PFKP: variants seen among roughly 807,000 people sequenced by gnomAD.
The protein encoded by PFKP is ATP-dependent 6-phosphofructokinase, platelet type.
A neutral mutation model predicts 94.3 loss-of-function variants in PFKP; 101 were observed. That is an observed-to-expected ratio of 1.07 (90% CI 0.91 to 1.26). The LOEUF is 1.26. PFKP is among the 50% of genes most tolerant of loss of function. The probability of loss-of-function intolerance (pLI) is 0.00; values close to 1 mark genes in which losing one functional copy is unlikely to be tolerated. For missense variants in PFKP, 1,145 were observed against 1,103.3 expected (o/e 1.04, Z -0.53); for synonymous variants, 573 against 432.6 (o/e 1.32, Z -4.03).
intron 16 of PFKP, among the ~76,000 whole-genome samples, chr10:3,125,724 G>C (rs1487310222): frequency 6.6e-6 from 1 of 152,250 alleles, no homozygotes; most frequent in African/African-American, 2.4e-5. Context: ...TCCTGGGCAG[G>C]CGGTTTCACC....
intron 1 of PFKP, among the ~76,000 whole-genome samples, chr10:3,071,854 G>A (rs1006921643): frequency 1.3e-5 from 2 of 152,216 alleles, no homozygotes; most frequent in African/African-American, 4.8e-5. Context: ...TTGTTATGTG[G>A]CAGGGCCTCA....
At chr10:3,104,498 G>A (rs1281932553) in intron 5 of PFKP, among the ~76,000 whole-genome samples, 1 of 152,248 alleles carries the variant, frequency 6.6e-6, no homozygotes, top group East Asian at 1.9e-4. Flanking sequence ...TCGAGACTGG[G>A]AGAGTGCCCG....
At chr10:3,131,019 G>A (rs1252786905) in intron 17 of PFKP, among the ~76,000 whole-genome samples, 1 of 152,056 alleles carries the variant, frequency 6.6e-6, no homozygotes, top group East Asian at 1.9e-4. Context: ...TGTCAACAGT[G>A]GGTCCCATAA....
intron 1 of PFKP, 92 bp downstream of exon 1, chr10:3,067,799 G>T (rs1831843053): frequency 1.7e-6 from 1 of 575,102 alleles, no homozygotes; most frequent in African/African-American, 1.9e-5. Flanking sequence ...GAGAGAAGAG[G>T]GGGGAAGCGA....
intron 4 of PFKP, among the ~76,000 whole-genome samples, chr10:3,102,216 A>G (rs1303992113): frequency 2.5e-5 from 3 of 118,272 alleles, no homozygotes; most frequent in Admixed American, 1.1e-4. Context: ...CCGCCACTGC[A>G]CTCCAGCCTG....
chr10:3,079,591 C>T (rs1263087704), intron 1 of PFKP, among the ~76,000 whole-genome samples: 6 of 146,542 alleles, frequency 4.1e-5, no homozygotes, highest in Non-Finnish European at 8.9e-5. Flanking sequence ...CTTAACATTT[C>T]CTAAAATCCC....
rs1326999590 is a variant in PFKP at position 3,135,768 on chromosome 10, G to C, written c.2155G>C (p.Val719Leu). The C allele has an allele frequency of 6.2e-6, 10 of 1,613,082 alleles. 1 individual carries two copies. The Admixed American group carries it at 1.7e-4, about 27-fold the overall frequency. Residue 719 changes from valine to leucine, a missense_variant, in exon 21 of 22, where the codon GTG becomes CTG. By Grantham distance (32) the Val-to-Leu change is conservative. Around this residue, in one of 3 missense-constraint regions of PFKP, gnomAD observed 1,119 missense variants for 1,062.8 expected, o/e 1.05. Transcript: ENST00000381125. Reference protein sequence around the residue: ...KKFTTDDSICVLGISKRNVIF... With the variant: ...KKFTTDDSICLLGISKRNVIF... ...ATTTACCACCGATGATTCCATTTGT[G>C]TGCTGGGAATAAGCAAAAGAAACGT...
At chr10:3,114,296 C>T (rs540534571) in intron 13 of PFKP, among the ~76,000 whole-genome samples, 62 of 152,190 alleles carry the variant, frequency 4.1e-4, no homozygotes, top group African/African-American at 1.2e-3. Context: ...ATTACAGGCA[C>T]GCGCCACCAC....
intron 7 of PFKP, among the ~76,000 whole-genome samples, chr10:3,106,264 G>T (rs1835547726): frequency 9.6e-6 from 1 of 104,542 alleles, no homozygotes; most frequent in Non-Finnish European, 2.0e-5. Context: ...TTCCCCATGG[G>T]AGGCAGAAAG....
In PFKP at chr10:3,105,510, G is replaced by C. The variant is rs779184904; in HGVS notation, c.774+9G>C. Reference sequence around the variant, plus strand: ...GTGTCAAACTCTCGGAGGTAATGCGGGTCCCGTGGCCGTTGATAGCGGGCG... The same window carrying C: ...GTGTCAAACTCTCGGAGGTAATGCGCGTCCCGTGGCCGTTGATAGCGGGCG... On this transcript the variant is annotated intron_variant, in intron 7 of 21. Transcript: ENST00000381125. 4.4e-6 allele frequency: 7 copies of C among 1,580,054 alleles called. No individual in the cohort carries two copies. The highest frequency in any genetic ancestry group is 5.2e-6 in the Non-Finnish European group (6 of 1,149,124).
At position 3,093,638 on chromosome 10, in the gene PFKP, CTTTTTTTTTT is replaced by C. The variant is rs765547765; in HGVS notation, c.187-5623_187-5614del. Among the ~76,000 whole-genome samples the C allele has an allele frequency of 3.2e-5, 3 of 94,056 alleles. No homozygotes were observed. The East Asian group carries it at 8.5e-4, about 27-fold the overall frequency. 61.7% of individuals were successfully genotyped at this position (94,056 alleles called of 152,430 possible). ...CGATAACCACAGGAACAAGCATTATCTTTTTTTTTTTTTTTTTTTTTTTGAGACAGAGTCT... is the reference window on the plus strand; with the variant it reads ...CGATAACCACAGGAACAAGCATTATCTTTTTTTTTTTTTGAGACAGAGTCT... On this transcript the variant is annotated intron_variant, in intron 2 of 21. Coordinates refer to ENST00000381125, the MANE Select transcript of PFKP (RefSeq NM_002627.5).
chr10:3,136,290 A>G (rs1354812781), intron 21 of PFKP, among the ~76,000 whole-genome samples, 160 bp from the exon 22 acceptor site: 1 of 152,128 alleles, frequency 6.6e-6, no homozygotes, highest in Non-Finnish European at 1.5e-5. Flanking sequence ...ATTTTAAACA[A>G]TGGTTTCATT....
At chr10:3,135,668 C>A (rs772383525) in intron 20 of PFKP, 68 bp from the exon 21 acceptor site, 8 of 954,368 alleles carry the variant, frequency 8.4e-6, no homozygotes, top group East Asian at 2.6e-5. Context: ...CATCTCGCCC[C>A]GTGATTCTGC....
intron 18 of PFKP, 150 bp from the exon 19 acceptor site, chr10:3,133,053 A>C: frequency 3.0e-6 from 2 of 662,326 alleles, no homozygotes; most frequent in Non-Finnish European, 5.5e-6. Flanking sequence ...TGCAGAAAGC[A>C]AAACCGTGAA....
chr10:3,111,109 C>T (rs1198586214), intron 10 of PFKP, among the ~76,000 whole-genome samples: 2 of 148,794 alleles, frequency 1.3e-5, no homozygotes, highest in Non-Finnish European at 3.0e-5. Context: ...TGCTTATATG[C>T]ATGTGTGAGC....
At chr10:3,100,798 T>C (rs557699338) in intron 3 of PFKP, 2 of 597,440 alleles carry the variant, frequency 3.3e-6, no homozygotes, top group African/African-American at 1.9e-5. Flanking sequence ...CCCTGGAAGT[T>C]TGGATGAAAG....
intron 7 of PFKP, among the ~76,000 whole-genome samples, chr10:3,106,225 GCGCC>G (rs1268583311): frequency 6.9e-4 from 103 of 150,188 alleles, no homozygotes; most frequent in African/African-American, 2.4e-3. Context: ...CGTGCACGGG[GCGCC>G]TGTGGGGCGT....
chr10:3,130,352 G>C (rs910972368), intron 17 of PFKP, among the ~76,000 whole-genome samples: 23 of 152,200 alleles, frequency 1.5e-4, no homozygotes, highest in African/African-American at 4.8e-4. Context: ...TTTAAATCCT[G>C]AGGCCCCTGA....
Position 3,108,764 on chromosome 10 carries a change from G to A in PFKP, c.934G>A (p.Gly312Arg), listed in dbSNP as rs1275049652. ...VTILGHVQRG[G>R]TPSAFDRILA... ...CATCCTCGGGCACGTGCAGAGAGGAGGGACCCCTTCGGCATTCGACAGGAT... is the reference window on the plus strand; with the variant it reads ...CATCCTCGGGCACGTGCAGAGAGGAAGGACCCCTTCGGCATTCGACAGGAT... The change falls in exon 9 of 22, where the codon GGG becomes AGG. Residue 312 changes from glycine (G) to arginine (R), a missense_variant. Transcript: ENST00000381125. 1 of 1,613,568 alleles carries A rather than the reference G, an allele frequency of 6.2e-7. No individual in the cohort carries two copies. Among genetic ancestry groups the A allele is most frequent in the African/African-American group, 1.3e-5 (1 of 74,888 alleles).
Sources: allele counts gnomAD v4.1 joint callset (sites outside exome capture counted in the v4.1 genomes callset), GRCh38; gene constraint gnomAD v4.1.1; regional missense constraint gnomAD v4.1.1; transcripts MANE v1.5; gene names NCBI Gene and HGNC (gene_info 2026-07-23, HGNC 2026-07-21).